The following BAZ1A variants were observed in gnomAD, a reference collection of about 807,000 sequenced individuals.
The protein encoded by BAZ1A is bromodomain adjacent to zinc finger domain protein 1A.
In BAZ1A, 50 loss-of-function variants were observed where a neutral mutation model predicts 185.2. The ratio of observed to expected loss-of-function variants is 0.27; its 90% CI spans 0.22 to 0.34. BAZ1A has a LOEUF of 0.34. Ranked by LOEUF, BAZ1A falls within the 10% of genes least tolerant of loss-of-function variation. The pLI, the probability that BAZ1A is intolerant of heterozygous loss-of-function variation, is 1.00. For missense variants in BAZ1A, 1,356 were observed against 1,839.9 expected (o/e 0.74, Z 4.81); for synonymous variants, 571 against 615.6 (o/e 0.93, Z 1.07).
At chr14:34,809,497 T>C (rs941543064) in intron 5 of BAZ1A, among the ~76,000 whole-genome samples, 3 of 152,210 alleles carry the variant, frequency 2.0e-5, no homozygotes, top group Admixed American at 2.0e-4. Context: ...AAAAGAAAGT[T>C]CTACTTGTCA....
chr14:34,851,393 A>G (rs1439196546), intron 3 of BAZ1A, among the ~76,000 whole-genome samples: 1 of 151,096 alleles, frequency 6.6e-6, no homozygotes, highest in Non-Finnish European at 1.5e-5. Flanking sequence ...GCCCACTTTA[A>G]TTTTAAAAAT....
rs770998873 is a variant in BAZ1A, at chr14:34,802,873, T to C, written c.842A>G (p.Lys281Arg). ...ACTTACTTGACTAATATGTATTCGT[T>C]TGGGAGGTCTCCCTCTTCGTCTGTT... ...PANRRRGRPP[K>R]RIHISQEDNV... is the part of the protein sequence containing the mutation. The change falls in exon 7 of 27, where the codon AAA becomes AGA. Residue 281 changes from lysine to arginine, a missense_variant. By Grantham distance (26) the Lys-to-Arg change is conservative (BLOSUM62 2). This residue lies in a region of BAZ1A where 332 missense variants were observed against 395.3 expected (regional missense o/e 0.84). Coordinates refer to ENST00000360310, the MANE Select transcript of BAZ1A (RefSeq NM_013448.3). The C allele has an allele frequency of 3.1e-6, 5 of 1,613,628 alleles. No homozygotes were observed.
intron 5 of BAZ1A, among the ~76,000 whole-genome samples, chr14:34,809,382 T>C (rs1020231342): frequency 4.6e-5 from 7 of 152,190 alleles, no homozygotes; most frequent in Admixed American, 1.3e-4. Context: ...TGTTTATTTA[T>C]AAATAAAATT....
intron 3 of BAZ1A, among the ~76,000 whole-genome samples, chr14:34,857,743 T>G (rs1353553018): frequency 1.3e-5 from 2 of 152,152 alleles, no homozygotes; most frequent in Non-Finnish European, 2.9e-5. Context: ...TTTCAATCAT[T>G]TCACCAAACA....
Position 34,762,097 on chromosome 14 carries a change from G to C in BAZ1A, c.3903C>G (p.Ser1301Arg). 1 of 1,614,160 alleles carries C rather than the reference G, an allele frequency of 6.2e-7. No homozygotes were observed. Among genetic ancestry groups the C allele is most frequent in the Non-Finnish European group, 8.5e-7 (1 of 1,180,036 alleles). Residue 1301 changes from serine to arginine, a missense_variant, in exon 24 of 27, where the codon AGC (serine) becomes AGG (arginine). By Grantham distance (110) the Ser-to-Arg change is moderately radical. Transcript: ENST00000360310. ...PGRYPSRSQQ[S>R]TPKTTVSSKT... Reference sequence around the variant, plus strand: ...TAGAAGAAACAGTTGTTTTGGGTGTGCTCTGCTGACTCCTTGAAGGGTATC... The same window carrying C: ...TAGAAGAAACAGTTGTTTTGGGTGTCCTCTGCTGACTCCTTGAAGGGTATC...
intron 25 of BAZ1A, 169 bp downstream of exon 25, chr14:34,758,535 G>A (rs531007232): frequency 1.6e-4 from 88 of 565,168 alleles, no homozygotes; most frequent in South Asian, 1.1e-3. Context: ...AGCCGAGATC[G>A]CGCCACTGCA....
rs551606726 is a variant in BAZ1A, at chr14:34,805,155, C to G, written c.727-2167G>C. Among the ~76,000 whole-genome samples the G allele has an allele frequency of 2.0e-5, 3 of 152,194 alleles. No individual in the cohort carries two copies. In the East Asian group the frequency reaches 5.8e-4, roughly 29 times the overall value. Reference sequence around the variant, plus strand: ...TGATTGTAGGTTTCCTGAGGCCTCCCCAGAAGCAGAAGACTGTACAGCCCA... The same window carrying G: ...TGATTGTAGGTTTCCTGAGGCCTCCGCAGAAGCAGAAGACTGTACAGCCCA... On this transcript the variant is annotated intron_variant, in intron 6 of 26. Coordinates refer to ENST00000360310, the MANE Select transcript of BAZ1A (RefSeq NM_013448.3).
intron 12 of BAZ1A, 84 bp from the exon 13 acceptor site, chr14:34,786,305 AC>A: frequency 8.0e-7 from 1 of 1,256,760 alleles, no homozygotes; most frequent in Non-Finnish European, 1.1e-6. Flanking sequence ...GATGAAAGAA[AC>A]AGCAAACGCC....
intron 7 of BAZ1A, among the ~76,000 whole-genome samples, chr14:34,801,905 C>CAA (rs375668563): frequency 0.21 from 24,174 of 112,834 alleles, 2,885 homozygotes; most frequent in Non-Finnish European, 0.28. Context: ...GACTCCATCT[C>CAA]AAAAAAAAAA....
At chr14:34,811,290 T>C (rs1210194423) in intron 4 of BAZ1A, among the ~76,000 whole-genome samples, 1 of 152,002 alleles carries the variant, frequency 6.6e-6, no homozygotes, top group Non-Finnish European at 1.5e-5. Context: ...GATACAGGCA[T>C]GCACCACCAT....
Position 34,754,964 on chromosome 14 carries a change from A to T in BAZ1A, c.4387-50T>A, listed in dbSNP as rs372503580. The T allele has an allele frequency of 1.1e-5, 16 of 1,394,522 alleles. No individual in the cohort carries two copies. In the African/African-American group the frequency reaches 2.3e-4, roughly 20 times the overall value. 86.4% of individuals were successfully genotyped at this position (1,394,522 alleles called of 1,614,324 possible). A position where few individuals can be genotyped will look rare whatever the true frequency, so the allele number is the denominator to read the frequency against. ...GTCCACACAGAAAACTTAACTGGAA[A>T]GAAGTGTTCAAATAACTAAAAGTTT... On this transcript the variant is annotated intron_variant, in intron 25 of 26. Transcript: ENST00000360310.
chr14:34,783,700 T>A lies in BAZ1A; in HGVS notation c.1997+62A>T, dbSNP rs1880207314. On this transcript the variant is annotated intron_variant, in intron 15 of 26. Transcript: ENST00000360310. ...CCACATTATAGCACCATGTGAAATA[T>A]GGTTTTAAATGCAAAGAAATAAACA... is the stretch of plus-strand genomic sequence containing the variant. 2.6e-6 allele frequency: 4 copies of A among 1,554,054 alleles called. No homozygotes were observed. In the South Asian group the frequency reaches 5.0e-5, roughly 19 times the overall value.
intron 3 of BAZ1A, among the ~76,000 whole-genome samples, chr14:34,842,550 A>C (rs2042433067): frequency 1.3e-5 from 2 of 152,238 alleles, no homozygotes; most frequent in Admixed American, 1.3e-4. Context: ...AACCTGAATC[A>C]TTAAGAGCGA....
intron 3 of BAZ1A, among the ~76,000 whole-genome samples, chr14:34,839,539 CAAAAAAA>C (rs35964410): frequency 2.5e-5 from 2 of 80,972 alleles, no homozygotes; most frequent in South Asian, 4.5e-4. Context: ...AACTATCTTT[CAAAAAAA>C]AAAAAAAAAA....
rs540148631 is a variant in BAZ1A, at chr14:34,862,711, T to G, written c.114-389A>C. ...TAATTAACATTTCCATTAATGTTAA[T>G]AGAAAAATACCTATTTTCAGTTTGA... On this transcript the variant is annotated intron_variant, in intron 2 of 26. Coordinates refer to ENST00000360310, the MANE Select transcript of BAZ1A (RefSeq NM_013448.3). Among the ~76,000 whole-genome samples, 13 of 150,656 alleles carry G rather than the reference T, an allele frequency of 8.6e-5. No individual in the cohort carries two copies. In the South Asian group the frequency reaches 2.7e-3, roughly 31 times the overall value.
intron 3 of BAZ1A, among the ~76,000 whole-genome samples, chr14:34,842,328 G>A (rs2138761934): frequency 6.6e-6 from 1 of 152,242 alleles, no homozygotes; most frequent in South Asian, 2.1e-4. Flanking sequence ...ACCTTTTGTT[G>A]CCACTAGACA....
intron 11 of BAZ1A, 53 bp downstream of exon 11, chr14:34,794,696 C>A: frequency 6.4e-7 from 1 of 1,557,216 alleles, no homozygotes; most frequent in Non-Finnish European, 8.7e-7. Context: ...TTTTTTAAAG[C>A]CACTAATTTT....
chr14:34,807,224 T>C lies in BAZ1A; in HGVS notation c.726+227A>G, dbSNP rs111832131. On this transcript the variant is annotated intron_variant, in intron 6 of 26. Coordinates refer to ENST00000360310, the MANE Select transcript of BAZ1A (RefSeq NM_013448.3). The stretch of plus-strand genomic sequence containing the variant: ...CCAAATTTTCTATTTTCACCTGTCC[T>C]TGTTGATCTTTTTTGTAAGTGGCAG... Among the ~76,000 whole-genome samples the C allele has an allele frequency of 4.6e-5, 7 of 151,742 alleles. No homozygotes were observed. In the South Asian group the frequency reaches 1.5e-3, roughly 32 times the overall value.
rs1337087680 is a variant in BAZ1A at position 34,780,228 on chromosome 14, C to G, written c.2194G>C (p.Glu732Gln). The G allele has an allele frequency of 1.2e-6, 2 of 1,613,708 alleles. No individual in the cohort carries two copies. Among genetic ancestry groups the G allele is most frequent in the Non-Finnish European group, 8.5e-7 (1 of 1,179,818 alleles). ...QKELDQDMVT[E>Q]DEDDPGSHKR... ...TGTGATCCTGGGTCATCTTCATCTT[C>G]AGTGACCATATCTTGATCTAATTCC... Residue 732 changes from glutamate to glutamine, a missense_variant, in exon 17 of 27, where the codon GAA (glutamate) becomes CAA (glutamine). Physicochemically the swap from Glu to Gln is conservative, Grantham distance 29. Transcript: ENST00000360310.
Sources: gnomAD v4.1 joint callset for allele counts (sites outside exome capture counted in the v4.1 genomes callset) on GRCh38, gnomAD v4.1.1 for gene constraint, gnomAD v4.1.1 regional missense constraint, MANE v1.5 for transcripts, NCBI Gene and HGNC (gene_info 2026-07-23, HGNC 2026-07-21) for gene names.